Variants in MACROD2 observed in about 807,000 individuals in gnomAD.
The protein encoded by MACROD2 is mono-ADP ribosylhydrolase 2, also known as ADP-ribose glycohydrolase MACROD2.
In MACROD2, 36 loss-of-function variants were observed where a neutral mutation model predicts 70.4. The observed-to-expected ratio is 0.51, with a 90% CI of 0.39 to 0.68. The LOEUF (loss-of-function observed/expected upper bound fraction) is 0.68, where lower values mean the gene tolerates loss of function less well. Ranked by LOEUF, MACROD2 falls within the 30% of genes least tolerant of loss-of-function variation. The probability of loss-of-function intolerance (pLI) is 0.00; values close to 1 mark genes in which losing one functional copy is unlikely to be tolerated. For missense variants in MACROD2, 496 were observed against 538.4 expected (o/e 0.92, Z 0.78); for synonymous variants, 172 against 178.8 (o/e 0.96, Z 0.30).
chr20:14,675,806 C>G (rs1294107515), intron 4 of MACROD2, among the ~76,000 whole-genome samples: 2 of 152,046 alleles, frequency 1.3e-5, no homozygotes, highest in Non-Finnish European at 2.9e-5. Context: ...GGAGACCCAT[C>G]TCATGTGCAA....
At chr20:15,465,528 C>T (rs1017305130) in intron 7 of MACROD2, among the ~76,000 whole-genome samples, 14 of 152,364 alleles carry the variant, frequency 9.2e-5, no homozygotes, top group African/African-American at 3.1e-4. Context: ...ATTTTCTCCT[C>T]ATAACTTTAG....
chr20:15,438,732 GA>G (rs1290516153), intron 7 of MACROD2, among the ~76,000 whole-genome samples: 1 of 152,160 alleles, frequency 6.6e-6, no homozygotes, highest in Non-Finnish European at 1.5e-5. Flanking sequence ...GGAATTTAAA[GA>G]GCAGGAATTC....
At chr20:14,424,109 G>A (rs1418504812) in intron 3 of MACROD2, among the ~76,000 whole-genome samples, 1 of 152,040 alleles carries the variant, frequency 6.6e-6, no homozygotes, top group African/African-American at 2.4e-5. Flanking sequence ...TCCCTTTAAG[G>A]TATACTTATG....
At chr20:14,034,826 G>A (rs913796928) in intron 2 of MACROD2, among the ~76,000 whole-genome samples, 2 of 152,176 alleles carry the variant, frequency 1.3e-5, no homozygotes, top group African/African-American at 4.8e-5. Flanking sequence ...TGAACTAAGA[G>A]TTCATTGTAC....
At chr20:14,144,228 A>AT (rs1230153230) in intron 3 of MACROD2, among the ~76,000 whole-genome samples, 2 of 152,184 alleles carry the variant, frequency 1.3e-5, no homozygotes, top group East Asian at 3.8e-4. Flanking sequence ...AAACTTTGAA[A>AT]TTTTTTGATA....
At chr20:14,241,678 A>G (rs1049067905) in intron 3 of MACROD2, among the ~76,000 whole-genome samples, 6 of 152,170 alleles carry the variant, frequency 3.9e-5, no homozygotes, top group Non-Finnish European at 8.8e-5. Context: ...TTCCTGAACA[A>G]CTGATGCTTG....
chr20:15,485,154 T>C (rs968434920), intron 7 of MACROD2, among the ~76,000 whole-genome samples: 11 of 151,896 alleles, frequency 7.2e-5, no homozygotes, highest in Admixed American at 5.3e-4. Context: ...GTGCTGGCTC[T>C]CATTTTGTCA....
chr20:15,733,314 G>C (rs1287766081), intron 8 of MACROD2, among the ~76,000 whole-genome samples: 1 of 151,932 alleles, frequency 6.6e-6, no homozygotes, highest in Non-Finnish European at 1.5e-5. Flanking sequence ...TGGTTTCACT[G>C]ATTTTCTCTA....
intron 7 of MACROD2, among the ~76,000 whole-genome samples, chr20:15,461,006 A>ATATATTTT: frequency 3.1e-4 from 21 of 67,016 alleles, no homozygotes; most frequent in African/African-American, 6.7e-4. Context: ...ATATATATAT[A>ATATATTTT]TTTTTTTTTA....
chr20:15,342,124 T>G (rs2078116792), intron 6 of MACROD2, among the ~76,000 whole-genome samples: 1 of 152,186 alleles, frequency 6.6e-6, no homozygotes, highest in African/African-American at 2.4e-5. Flanking sequence ...TTAACATGCC[T>G]TTAACCTAAA....
intron 15 of MACROD2, among the ~76,000 whole-genome samples, chr20:16,024,815 A>C (rs865895268): frequency 6.6e-6 from 1 of 152,324 alleles, no homozygotes; most frequent in Middle Eastern, 3.4e-3. Flanking sequence ...TCAACTTTCA[A>C]ATTTTTTTTT....
chr20:14,661,051 C>G (rs6074774), intron 4 of MACROD2, among the ~76,000 whole-genome samples: 1 of 152,044 alleles, frequency 6.6e-6, no homozygotes, highest in African/African-American at 2.4e-5. Flanking sequence ...ATTCATTTTC[C>G]TGTGGGTATA....
intron 5 of MACROD2, among the ~76,000 whole-genome samples, chr20:14,957,363 T>A (rs1311815929): frequency 6.6e-6 from 1 of 152,186 alleles, no homozygotes; most frequent in Non-Finnish European, 1.5e-5. Context: ...AAAACACGTT[T>A]CACAGAGTTA....
intron 4 of MACROD2, among the ~76,000 whole-genome samples, chr20:14,599,370 G>A (rs1017534356): frequency 6.6e-6 from 1 of 152,088 alleles, no homozygotes; most frequent in African/African-American, 2.4e-5. Flanking sequence ...ATCAGAAGAT[G>A]GTGCATGATT....
At chr20:15,297,978 T>A (rs2077606785) in intron 6 of MACROD2, among the ~76,000 whole-genome samples, 1 of 152,188 alleles carries the variant, frequency 6.6e-6, no homozygotes, top group Non-Finnish European at 1.5e-5. Flanking sequence ...CTGGATGTTC[T>A]CCAAACAAAT....
At chr20:14,333,640 G>A (rs1236887727) in intron 3 of MACROD2, among the ~76,000 whole-genome samples, 1 of 152,040 alleles carries the variant, frequency 6.6e-6, no homozygotes, top group Non-Finnish European at 1.5e-5. Flanking sequence ...TAACAGTGTG[G>A]GTACAACTTG....
intron 5 of MACROD2, among the ~76,000 whole-genome samples, chr20:15,084,900 G>A (rs751590271): frequency 1.3e-5 from 2 of 152,120 alleles, no homozygotes; most frequent in Non-Finnish European, 2.9e-5. Flanking sequence ...TGGCTTTGGA[G>A]AAATTAATAA....
chr20:14,173,859 A>G (rs1267252204), intron 3 of MACROD2, among the ~76,000 whole-genome samples: 2 of 152,114 alleles, frequency 1.3e-5, no homozygotes, highest in African/African-American at 4.8e-5. Context: ...TGGCTTCCTG[A>G]GAGCCAAACT....
At chr20:15,061,024 T>A (rs2075528324) in intron 5 of MACROD2, among the ~76,000 whole-genome samples, 1 of 152,128 alleles carries the variant, frequency 6.6e-6, no homozygotes, top group South Asian at 2.1e-4. Context: ...CTCAGAGAAG[T>A]TAATTCAATA....
Sources: allele counts gnomAD v4.1 joint callset (sites outside exome capture counted in the v4.1 genomes callset), GRCh38; gene constraint gnomAD v4.1.1; transcripts MANE v1.5; gene names NCBI Gene and HGNC (gene_info 2026-07-23, HGNC 2026-07-21).